LEF1: variants seen among roughly 807,000 people sequenced by gnomAD.
LEF1 encodes lymphoid enhancer binding factor 1.
Under a neutral mutation model 51.2 loss-of-function variants are expected in LEF1, and 14 were observed. That is an observed-to-expected ratio of 0.27 (90% CI 0.18 to 0.43). LEF1 has a LOEUF of 0.43. Ranked by LOEUF, LEF1 falls within the 20% of genes least tolerant of loss-of-function variation. The pLI, the probability that LEF1 is intolerant of heterozygous loss-of-function variation, is 1.00. For missense variants in LEF1, 386 were observed against 512.0 expected (o/e 0.75, Z 2.37); for synonymous variants, 185 against 183.2 (o/e 1.01, Z -0.08).
chr4:108,054,801 T>C (rs1430483239), intron 11 of LEF1, among the ~76,000 whole-genome samples: 1 of 152,244 alleles, frequency 6.6e-6, no homozygotes, highest in African/African-American at 2.4e-5. Context: ...AAACGATATA[T>C]AGGCAGTTAG....
intron 3 of LEF1, among the ~76,000 whole-genome samples, chr4:108,161,232 T>C (rs897316656): frequency 5.3e-5 from 8 of 152,154 alleles, no homozygotes; most frequent in South Asian, 2.1e-4. Context: ...AAACCAAAGA[T>C]TGTAACTCAC....
At chr4:108,163,227 A>C (rs142548535) in intron 3 of LEF1, among the ~76,000 whole-genome samples, 352 of 152,350 alleles carry the variant, frequency 2.3e-3, no homozygotes, top group Non-Finnish European at 3.8e-3. Context: ...TACAGTCCTT[A>C]CTTAGCTGAA....
intron 3 of LEF1, among the ~76,000 whole-genome samples, chr4:108,136,087 G>A (rs944828764): frequency 6.6e-6 from 1 of 151,924 alleles, no homozygotes; most frequent in South Asian, 2.1e-4. Flanking sequence ...TTAAAATTCA[G>A]GTAGAAAAAA....
intron 3 of LEF1, among the ~76,000 whole-genome samples, chr4:108,146,597 C>T (rs1408672555): frequency 6.6e-6 from 1 of 152,188 alleles, no homozygotes; most frequent in Non-Finnish European, 1.5e-5. Flanking sequence ...GTTGAGTATA[C>T]TTTATTCAAA....
At chr4:108,151,040 T>C (rs1356651856) in intron 3 of LEF1, among the ~76,000 whole-genome samples, 1 of 152,164 alleles carries the variant, frequency 6.6e-6, no homozygotes, top group Non-Finnish European at 1.5e-5. Context: ...TAATGTAAAA[T>C]GGTTTGGTTC....
chr4:108,125,320 C>T (rs558168588), intron 3 of LEF1, among the ~76,000 whole-genome samples: 13 of 152,070 alleles, frequency 8.5e-5, no homozygotes, highest in South Asian at 4.1e-4. Flanking sequence ...CCCACCGCCA[C>T]GCCTGGTTAA....
Position 108,050,455 on chromosome 4 carries a change from C to A in LEF1, c.*7-1704G>T, listed in dbSNP as rs373787438. 6.1e-4 allele frequency among the ~76,000 whole-genome samples: 93 copies of A among 152,194 alleles called. No individual in the cohort carries two copies. The East Asian group carries it at 0.017, about 29-fold the overall frequency. ...CTCAGTACTTCACAGTTCGCTGTGC[C>A]AGGCCCACAGAGGTATGGATCTTGC... On this transcript the variant is annotated intron_variant, in intron 11 of 11. Coordinates refer to ENST00000265165, the MANE Select transcript of LEF1 (RefSeq NM_016269.5).
chr4:108,093,615 G>A (rs183410149), intron 3 of LEF1, among the ~76,000 whole-genome samples: 1 of 152,206 alleles, frequency 6.6e-6, no homozygotes, highest in Admixed American at 6.6e-5. Flanking sequence ...TCTGGTCAGA[G>A]GTTCAGTGAC....
At chr4:108,084,538 A>G (rs1739518421) in intron 4 of LEF1, among the ~76,000 whole-genome samples, 1 of 152,236 alleles carries the variant, frequency 6.6e-6, no homozygotes, top group Non-Finnish European at 1.5e-5. Context: ...AAGCCTTCAC[A>G]TTGGGAATGA....
At chr4:108,081,555 C>T (rs374737565) in intron 6 of LEF1, 31 bp downstream of exon 6, 6 of 1,581,452 alleles carry the variant, frequency 3.8e-6, no homozygotes, top group Non-Finnish European at 5.2e-6. Context: ...GCAACTTGTC[C>T]TCGAGCGCCC....
At chr4:108,070,608 G>T in intron 9 of LEF1, 55 bp downstream of exon 9, 2 of 1,173,226 alleles carry the variant, frequency 1.7e-6, no homozygotes, top group East Asian at 2.3e-5. Flanking sequence ...CTTCTTGAAC[G>T]CAAAAGAGCG....
chr4:108,099,113 A>G (rs778780537), intron 3 of LEF1, among the ~76,000 whole-genome samples: 15 of 152,188 alleles, frequency 9.9e-5, no homozygotes, highest in Non-Finnish European at 1.9e-4. Context: ...GTATGTTTAT[A>G]TTGATTACAT....
intron 3 of LEF1, among the ~76,000 whole-genome samples, chr4:108,124,542 GTATTT>G (rs1453796385): frequency 6.6e-6 from 1 of 151,914 alleles, no homozygotes; most frequent in Non-Finnish European, 1.5e-5. Flanking sequence ...GCTAATTTTT[GTATTT>G]TTAATAGAGG....
chr4:108,139,392 T>C (rs945288872), intron 3 of LEF1, among the ~76,000 whole-genome samples: 1 of 152,260 alleles, frequency 6.6e-6, no homozygotes, highest in East Asian at 1.9e-4. Context: ...AACATGCATC[T>C]TTAAATAGCA....
Position 108,081,760 on chromosome 4 carries a change from T to A in LEF1, c.639-91A>T, listed in dbSNP as rs1022813598. ...TGGATGAGGGGAGAAGAGGGAGATA[T>A]TCAAACAGAATCTTGTGGAAGTATT... On this transcript the variant is annotated intron_variant, in intron 5 of 11. Transcript: ENST00000265165. 5.7e-6 allele frequency: 5 copies of A among 878,670 alleles called. No homozygotes were observed. In the African/African-American group the frequency reaches 8.3e-5, roughly 15 times the overall value. 54.4% of individuals were successfully genotyped at this position (878,670 alleles called of 1,614,324 possible). A position where few individuals can be genotyped will look rare whatever the true frequency, so the allele number is the denominator to read the frequency against.
At chr4:108,074,531 A>C (rs958432375) in intron 8 of LEF1, among the ~76,000 whole-genome samples, 3 of 152,360 alleles carry the variant, frequency 2.0e-5, no homozygotes, top group Admixed American at 6.5e-5. Flanking sequence ...GATGAATAAA[A>C]ATCAAAAGAT....
At chr4:108,149,477 TAG>T in intron 3 of LEF1, among the ~76,000 whole-genome samples, 1 of 90,500 alleles carries the variant, frequency 1.1e-5, no homozygotes. Context: ...AAAAAAAAAA[TAG>T]ATTATAAATA....
chr4:108,133,204 C>T (rs975670726), intron 3 of LEF1, among the ~76,000 whole-genome samples: 1 of 152,100 alleles, frequency 6.6e-6, no homozygotes, highest in Non-Finnish European at 1.5e-5. Flanking sequence ...AAACTCATGA[C>T]CTCGTGATCC....
intron 11 of LEF1, among the ~76,000 whole-genome samples, chr4:108,051,942 C>A (rs1210364444): frequency 6.6e-6 from 1 of 152,164 alleles, no homozygotes; most frequent in African/African-American, 2.4e-5. Context: ...GACCCTGACT[C>A]AGGAGTGAAG....
Sources: gnomAD v4.1 joint callset for allele counts (sites outside exome capture counted in the v4.1 genomes callset) on GRCh38, gnomAD v4.1.1 for gene constraint, MANE v1.5 for transcripts, NCBI Gene and HGNC (gene_info 2026-07-23, HGNC 2026-07-21) for gene names.